Variants in ROR2 observed in about 807,000 individuals in gnomAD.
ROR2 encodes ROR family WNT receptor 2, also known as tyrosine-protein kinase transmembrane receptor ROR2.
A neutral mutation model predicts 74.9 loss-of-function variants in ROR2; 33 were observed. The observed-to-expected ratio is 0.44, with a 90% CI of 0.33 to 0.59. The LOEUF (loss-of-function observed/expected upper bound fraction) is 0.59, where lower values mean the gene tolerates loss of function less well. ROR2 is among the 20% of genes least tolerant of loss of function. The pLI, the probability that ROR2 is intolerant of heterozygous loss-of-function variation, is 0.02. For missense variants in ROR2, 1,216 were observed against 1,313.8 expected (o/e 0.93, Z 1.15); for synonymous variants, 586 against 558.7 (o/e 1.05, Z -0.69).
intron 1 of ROR2, among the ~76,000 whole-genome samples, chr9:91,914,447 C>G (rs1324968058): frequency 6.6e-6 from 1 of 152,174 alleles, no homozygotes; most frequent in Non-Finnish European, 1.5e-5. Flanking sequence ...AAGGAATCTT[C>G]CCTTAACAAG....
At chr9:91,911,260 C>T (rs144576297) in intron 1 of ROR2, among the ~76,000 whole-genome samples, 74 of 152,274 alleles carry the variant, frequency 4.9e-4, no homozygotes, top group Admixed American at 1.2e-3. Context: ...CTGAGAAATG[C>T]GTCTTCAGGC....
At chr9:91,757,624 G>A in intron 2 of ROR2, 65 bp from the exon 3 acceptor site, 1 of 1,566,720 alleles carries the variant, frequency 6.4e-7, no homozygotes, top group East Asian at 2.3e-5. Context: ...GGCTACCTGG[G>A]GGCTCTGCTA....
intron 1 of ROR2, among the ~76,000 whole-genome samples, chr9:91,875,906 A>G (rs1829942878): frequency 6.6e-6 from 1 of 152,170 alleles, no homozygotes; most frequent in South Asian, 2.1e-4. Flanking sequence ...TCAGAAAGCA[A>G]GGTGGGGTAA....
intron 6 of ROR2, among the ~76,000 whole-genome samples, chr9:91,731,564 C>T (rs747670278): frequency 3.3e-5 from 5 of 152,194 alleles, no homozygotes; most frequent in East Asian, 1.9e-4. Context: ...GTGCAGGCCA[C>T]GCCACCTCCA....
intron 2 of ROR2, among the ~76,000 whole-genome samples, chr9:91,761,342 C>G (rs1184586613): frequency 2.0e-5 from 3 of 152,128 alleles, no homozygotes; most frequent in Non-Finnish European, 2.9e-5. Flanking sequence ...CACTTTATTT[C>G]TATTTATTTA....
intron 1 of ROR2, among the ~76,000 whole-genome samples, chr9:91,820,758 G>A (rs888328242): frequency 2.0e-5 from 3 of 152,154 alleles, no homozygotes; most frequent in Admixed American, 1.3e-4. Context: ...AAGTTAAACT[G>A]AAGTTCTATA....
chr9:91,900,848 T>A (rs1015984774), intron 1 of ROR2, among the ~76,000 whole-genome samples: 7 of 152,262 alleles, frequency 4.6e-5, no homozygotes, highest in South Asian at 2.1e-4. Flanking sequence ...AATGCACATC[T>A]GTTTTTAAGA....
At chr9:91,943,080 T>C (rs1403944119) in intron 1 of ROR2, among the ~76,000 whole-genome samples, 1 of 152,222 alleles carries the variant, frequency 6.6e-6, no homozygotes, top group Non-Finnish European at 1.5e-5. Context: ...GATGCCTAAA[T>C]GGTCCCAGAC....
rs1837298143 is a variant in ROR2 at position 91,733,021 on chromosome 9, C to T, written c.937+101G>A. 2 of 1,209,966 alleles carry T rather than the reference C, an allele frequency of 1.7e-6. No individual in the cohort carries two copies. Among genetic ancestry groups the T allele is most frequent in the Non-Finnish European group, 1.2e-6 (1 of 867,660 alleles). 75.0% of individuals were successfully genotyped at this position (1,209,966 alleles called of 1,614,324 possible). ...CTAAGGGGGTTCTGTGGGGCCTGGA[C>T]AGATGGGGCTCCCTGGGCTTCACCG... is the stretch of plus-strand genomic sequence containing the variant. On this transcript the variant is annotated intron_variant, in intron 6 of 8. Transcript: ENST00000375708. This position sits in a 1 kb window ranked among gnomAD's most constrained non-coding sequence, Gnocchi z 5.7.
chr9:91,816,519 C>G (rs1827940345), intron 1 of ROR2, among the ~76,000 whole-genome samples: 1 of 152,130 alleles, frequency 6.6e-6, no homozygotes, highest in African/African-American at 2.4e-5. Context: ...CCCCGAATGC[C>G]AGCTCTGTCC....
At chr9:91,838,520 C>T (rs1828681660) in intron 1 of ROR2, among the ~76,000 whole-genome samples, 1 of 152,200 alleles carries the variant, frequency 6.6e-6, no homozygotes, top group Non-Finnish European at 1.5e-5. Flanking sequence ...CACGAAAACA[C>T]CCTGAGATCG....
chr9:91,903,815 G>A (rs1054765725), intron 1 of ROR2, among the ~76,000 whole-genome samples: 1 of 152,184 alleles, frequency 6.6e-6, no homozygotes, highest in Non-Finnish European at 1.5e-5. Flanking sequence ...CGTGGAGAGA[G>A]TCCACGGCAA....
chr9:91,807,450 T>C (rs938765924), intron 1 of ROR2, among the ~76,000 whole-genome samples: 3 of 152,220 alleles, frequency 2.0e-5, no homozygotes, highest in Admixed American at 6.5e-5. Flanking sequence ...ACCCTTCAAA[T>C]AAACCAGTAA....
intron 1 of ROR2, among the ~76,000 whole-genome samples, chr9:91,903,182 T>C (rs958915386): frequency 6.6e-6 from 1 of 152,124 alleles, no homozygotes; most frequent in African/African-American, 2.4e-5. Context: ...TCCCCTAAAG[T>C]ATGAGTGCAT....
At chr9:91,936,724 A>T (rs1831700466) in intron 1 of ROR2, among the ~76,000 whole-genome samples, 1 of 152,140 alleles carries the variant, frequency 6.6e-6, no homozygotes. Context: ...TTCCACCTCA[A>T]CAATCTTTTA....
At chr9:91,804,095 T>A (rs1230290352) in intron 1 of ROR2, among the ~76,000 whole-genome samples, 1 of 152,180 alleles carries the variant, frequency 6.6e-6, no homozygotes, top group East Asian at 1.9e-4. Flanking sequence ...AGTCTACTCA[T>A]CTGAAAATAG....
rs956101227 is a variant in ROR2 at position 91,778,677 on chromosome 9, G to A, written c.98-2859C>T. 4.6e-5 allele frequency among the ~76,000 whole-genome samples: 7 copies of A among 152,118 alleles called. No individual in the cohort carries two copies. In the East Asian group the frequency reaches 1.3e-3, roughly 29 times the overall value. On this transcript the variant is annotated intron_variant, in intron 1 of 8. Coordinates refer to ENST00000375708, the MANE Select transcript of ROR2 (RefSeq NM_004560.4). ...GACACTACTCTAGCCAAACCCACAC[G>A]TCCTCCGTTTGGGTAAAATGCTCTT...
At chr9:91,781,419 T>C (rs1300278412) in intron 1 of ROR2, among the ~76,000 whole-genome samples, 1 of 152,170 alleles carries the variant, frequency 6.6e-6, no homozygotes, top group Middle Eastern at 3.2e-3. Flanking sequence ...AAAACACCCA[T>C]GATGCTAGAA....
At chr9:91,866,989 T>C (rs1010011066) in intron 1 of ROR2, among the ~76,000 whole-genome samples, 3 of 152,182 alleles carry the variant, frequency 2.0e-5, no homozygotes, top group African/African-American at 7.2e-5. Context: ...AATTTGTAAA[T>C]TACTCTGATC....
Sources: allele counts gnomAD v4.1 joint callset (sites outside exome capture counted in the v4.1 genomes callset), GRCh38; gene constraint gnomAD v4.1.1; non-coding constraint Gnocchi (gnomAD v3.1); transcripts MANE v1.5; gene names NCBI Gene and HGNC (gene_info 2026-07-23, HGNC 2026-07-21).